The following CLINT1 variants were observed in gnomAD, a reference collection of about 807,000 sequenced individuals.
The protein encoded by CLINT1 is clathrin interacting protein localized in the trans-Golgi region.
In CLINT1, 15 loss-of-function variants were observed where a neutral mutation model predicts 70.4. The ratio of observed to expected loss-of-function variants is 0.21; its 90% confidence interval spans 0.14 to 0.33. The LOEUF (loss-of-function observed/expected upper bound fraction) is 0.33, where lower values mean the gene tolerates loss of function less well. Among genes scored for constraint, CLINT1 ranks in the 10% least tolerant of loss-of-function variants. CLINT1 has a pLI of 1.00. For missense variants in CLINT1, 615 were observed against 778.1 expected (o/e 0.79, Z 2.49); for synonymous variants, 227 against 254.7 (o/e 0.89, Z 1.04).
intron 7 of CLINT1, among the ~76,000 whole-genome samples, chr5:157,804,931 A>AAAAAAGAAAAAGAAAAAGAAAAAG: frequency 6.6e-6 from 1 of 150,656 alleles, no homozygotes; most frequent in Admixed American, 6.6e-5. Flanking sequence ...CGGTCTTCCA[A>AAAAAAGAAAAAGAAAAAGAAAAAG]AAAAAGAAAA....
intron 7 of CLINT1, among the ~76,000 whole-genome samples, chr5:157,803,940 C>T (rs574205216): frequency 6.6e-6 from 1 of 151,520 alleles, no homozygotes; most frequent in East Asian, 1.9e-4. Context: ...TTAACATTGA[C>T]ACTTTTTTTC....
chr5:157,800,390 T>G (rs1762175238), intron 8 of CLINT1, among the ~76,000 whole-genome samples: 1 of 152,142 alleles, frequency 6.6e-6, no homozygotes, highest in African/African-American at 2.4e-5. Context: ...GACACCCAAA[T>G]GACATACCAA....
intron 11 of CLINT1, among the ~76,000 whole-genome samples, chr5:157,788,527 C>G (rs982008198): frequency 1.3e-5 from 2 of 152,074 alleles, no homozygotes; most frequent in Non-Finnish European, 2.9e-5. Context: ...AAATAATTAG[C>G]AAGGGAAATC....
At chr5:157,797,069 G>T (rs956606560) in intron 8 of CLINT1, among the ~76,000 whole-genome samples, 2 of 152,054 alleles carry the variant, frequency 1.3e-5, no homozygotes, top group Non-Finnish European at 2.9e-5. Flanking sequence ...ATGTGACAAG[G>T]AACACAAAAG....
At chr5:157,829,083 G>C (rs1474510275) in intron 1 of CLINT1, among the ~76,000 whole-genome samples, 1 of 151,906 alleles carries the variant, frequency 6.6e-6, no homozygotes, top group Non-Finnish European at 1.5e-5. Flanking sequence ...GCCTGGGCAT[G>C]GAAGCGAGAC....
chr5:157,794,354 G>GT (rs146407419), intron 9 of CLINT1, among the ~76,000 whole-genome samples: 4,484 of 152,026 alleles, frequency 0.029, 207 homozygotes, highest in African/African-American at 0.1. Context: ...TGTTTGAATG[G>GT]TTTTTTTGTT....
chr5:157,799,241 G>A (rs1762146290), intron 8 of CLINT1, among the ~76,000 whole-genome samples: 1 of 151,984 alleles, frequency 6.6e-6, no homozygotes, highest in Non-Finnish European at 1.5e-5. Flanking sequence ...TTTATTTTCA[G>A]TAAACTTAGT....
chr5:157,791,365 T>C (rs1464201036), intron 10 of CLINT1, among the ~76,000 whole-genome samples: 1 of 152,166 alleles, frequency 6.6e-6, no homozygotes. Context: ...GCCTATTTCT[T>C]TTTCTTAAAG....
intron 1 of CLINT1, among the ~76,000 whole-genome samples, chr5:157,847,831 G>C (rs1185062985): frequency 1.3e-5 from 2 of 152,140 alleles, no homozygotes; most frequent in Non-Finnish European, 2.9e-5. Context: ...TGTTTTTCTT[G>C]AGACGATGTC....
At chr5:157,793,408 T>C (rs190215420) in intron 9 of CLINT1, among the ~76,000 whole-genome samples, 1 of 152,324 alleles carries the variant, frequency 6.6e-6, no homozygotes, top group African/African-American at 2.4e-5. Context: ...TCTGAAATGA[T>C]TAATCGTGGG....
rs188501556 is a variant in CLINT1 at position 157,848,881 on chromosome 5, C to T, written c.41+10049G>A. Among the ~76,000 whole-genome samples, 6 of 151,886 alleles carry T rather than the reference C, an allele frequency of 4.0e-5. No individual in the cohort carries two copies. The East Asian group carries it at 1.2e-3, about 29-fold the overall frequency. ...TTCACCACGTTGGCCAGGTTGGTCT[C>T]GAACTCCTAACTTCAAGTGATCTAC... is the stretch of plus-strand genomic sequence containing the variant. On this transcript the variant is annotated intron_variant, in intron 1 of 11. Coordinates refer to ENST00000411809, the MANE Select transcript of CLINT1 (RefSeq NM_014666.4).
chr5:157,852,061 A>G (rs1311004890), intron 1 of CLINT1, among the ~76,000 whole-genome samples: 1 of 152,166 alleles, frequency 6.6e-6, no homozygotes, highest in Non-Finnish European at 1.5e-5. Flanking sequence ...CTTTTTCTTG[A>G]TATTGTTCAG....
intron 1 of CLINT1, 98 bp downstream of exon 1, chr5:157,858,832 G>A: frequency 7.7e-7 from 1 of 1,306,022 alleles, no homozygotes; most frequent in South Asian, 1.3e-5. Flanking sequence ...CAGAGCCAGG[G>A]GGCGTGACGT....
In CLINT1 at chr5:157,785,836, C is replaced by T. The variant is rs983149949; in HGVS notation, c.*1810G>A. 1 of 152,218 alleles carries T rather than the reference C, an allele frequency of 6.6e-6. No homozygotes were observed. Among genetic ancestry groups the T allele is most frequent in the African/African-American group, 2.4e-5 (1 of 41,522 alleles). 9.4% of individuals were successfully genotyped at this position (152,218 alleles called of 1,614,324 possible). A position where few individuals can be genotyped will look rare whatever the true frequency, so the allele number is the denominator to read the frequency against. Reference sequence around the variant, plus strand: ...AAAGAAAAAATTTACTTAAGATGATCGGTTTTAAATATCAGGGACCATATT... The same window carrying T: ...AAAGAAAAAATTTACTTAAGATGATTGGTTTTAAATATCAGGGACCATATT... On this transcript the variant is annotated 3_prime_UTR_variant, in exon 12 of 12. Coordinates refer to ENST00000411809, the MANE Select transcript of CLINT1 (RefSeq NM_014666.4).
rs1247930185 is a variant in CLINT1 at position 157,789,521 on chromosome 5, T to C, written c.1381-8A>G. ...CTGGACCATATCTGTATTCTGATTA[T>C]AGAGAGGATTAGGCTTCTGCAGCAC... is the stretch of plus-strand genomic sequence containing the variant. On this transcript the variant is annotated splice_region_variant and splice_polypyrimidine_tract_variant and intron_variant, in intron 10 of 11. Coordinates refer to ENST00000411809, the MANE Select transcript of CLINT1 (RefSeq NM_014666.4). The C allele has an allele frequency of 2.5e-6, 4 of 1,614,000 alleles. No individual in the cohort carries two copies. In the East Asian group the frequency reaches 6.7e-5, roughly 27 times the overall value.
In CLINT1 at chr5:157,858,961, T is replaced by C; in HGVS notation, c.10A>G (p.Met4Val). 1 of 1,520,672 alleles carries C rather than the reference T, an allele frequency of 6.6e-7. No individual in the cohort carries two copies. 94.2% of individuals were successfully genotyped at this position (1,520,672 alleles called of 1,614,324 possible). A position where few individuals can be genotyped will look rare whatever the true frequency, so the allele number is the denominator to read the frequency against. The change falls in exon 1 of 12, where the codon ATG becomes GTG. Residue 4 changes from methionine (M) to valine (V), a missense_variant. Physicochemically the swap from Met to Val is conservative, Grantham distance 21 (BLOSUM62 1). Coordinates refer to ENST00000411809, the MANE Select transcript of CLINT1 (RefSeq NM_014666.4). MLN[M>V]WKVRELVDKA... ...TCCACCAGCTCGCGCACCTTCCACATGTTCAACATCGTGCCCCGCGCGGGA... is the reference window on the plus strand; with the variant it reads ...TCCACCAGCTCGCGCACCTTCCACACGTTCAACATCGTGCCCCGCGCGGGA...
At chr5:157,789,775 C>T (rs550975263) in intron 10 of CLINT1, 22 of 560,164 alleles carry the variant, frequency 3.9e-5, no homozygotes, top group Non-Finnish European at 6.7e-5. Flanking sequence ...AACAACTTAC[C>T]TACACTAACA....
intron 1 of CLINT1, among the ~76,000 whole-genome samples, chr5:157,852,541 G>T (rs1370607117): frequency 6.6e-6 from 1 of 152,124 alleles, no homozygotes; most frequent in Non-Finnish European, 1.5e-5. Flanking sequence ...ACTGTTTTGT[G>T]TGTAACAGTA....
intron 10 of CLINT1, 68 bp from the exon 11 acceptor site, chr5:157,789,581 A>G (rs1761839538): frequency 6.2e-6 from 10 of 1,605,656 alleles, no homozygotes; most frequent in Non-Finnish European, 8.5e-6. Flanking sequence ...GAAAATAGAA[A>G]AATGCTCTAA....
Sources: gnomAD v4.1 joint callset for allele counts (sites outside exome capture counted in the v4.1 genomes callset) on GRCh38, gnomAD v4.1.1 for gene constraint, MANE v1.5 for transcripts, NCBI Gene and HGNC (gene_info 2026-07-23, HGNC 2026-07-21) for gene names.